The following FSTL4 variants were observed in gnomAD, a reference collection of about 807,000 sequenced individuals.
FSTL4 encodes follistatin like 4, also known as follistatin-related protein 4.
In FSTL4, 28 loss-of-function variants were observed where a neutral mutation model predicts 78.2. The ratio of observed to expected loss-of-function variants is 0.36; its 90% CI spans 0.27 to 0.49. FSTL4 has a LOEUF of 0.49. Ranked by LOEUF, FSTL4 falls within the 20% of genes least tolerant of loss-of-function variation. The pLI, the probability that FSTL4 is intolerant of heterozygous loss-of-function variation, is 0.98. For synonymous variants in FSTL4, 422 were observed against 440.5 expected, an observed-to-expected ratio of 0.96 and a Z score of 0.53; for missense variants, 922 against 1,084.9, an observed-to-expected ratio of 0.85 and a Z score of 2.11.
intron 4 of FSTL4, among the ~76,000 whole-genome samples, chr5:133,321,006 CAA>C (rs3976680): frequency 1.0e-4 from 9 of 90,432 alleles, no homozygotes; most frequent in African/African-American, 1.8e-4. Flanking sequence ...GACTCCGTCT[CAA>C]AAAAAAAAAA....
intron 2 of FSTL4, among the ~76,000 whole-genome samples, chr5:133,592,071 G>A (rs904023290): frequency 7.2e-5 from 11 of 151,962 alleles, no homozygotes; most frequent in African/African-American, 2.4e-4. Context: ...GACTCTGAGG[G>A]TTACTCCTCC....
intron 3 of FSTL4, among the ~76,000 whole-genome samples, chr5:133,563,203 G>C (rs547719088): frequency 3.9e-5 from 6 of 152,286 alleles, no homozygotes; most frequent in African/African-American, 1.4e-4. Context: ...CACCCTATCA[G>C]TCTCGTAGTC....
the FSTL4 span, among the ~76,000 whole-genome samples, chr5:133,750,548 T>A: frequency 6.6e-6 from 1 of 152,094 alleles, no homozygotes; most frequent in Non-Finnish European, 1.5e-5. Context: ...AGGGCAGACG[T>A]GCCTCTGAAT....
At chr5:133,430,136 G>T (rs1046298585) in intron 3 of FSTL4, among the ~76,000 whole-genome samples, 3 of 152,164 alleles carry the variant, frequency 2.0e-5, no homozygotes, top group African/African-American at 7.2e-5. Context: ...AAGCTGCTTG[G>T]GTGTGGAATG....
At chr5:133,610,091 TCATAA>T (rs1343754423) in intron 1 of FSTL4, among the ~76,000 whole-genome samples, 1 of 152,110 alleles carries the variant, frequency 6.6e-6, no homozygotes, top group Non-Finnish European at 1.5e-5. Flanking sequence ...AAACAAAAGA[TCATAA>T]CGTGAAGGTC....
At chr5:133,379,808 G>A (rs1755522450) in intron 4 of FSTL4, among the ~76,000 whole-genome samples, 2 of 152,198 alleles carry the variant, frequency 1.3e-5, no homozygotes. Flanking sequence ...CAGGCACAGT[G>A]GCTCATGCCT....
chr5:133,323,400 A>G (rs1425393308), intron 4 of FSTL4, among the ~76,000 whole-genome samples: 1 of 152,232 alleles, frequency 6.6e-6, no homozygotes, highest in East Asian at 1.9e-4. Flanking sequence ...CAAAGCCCCA[A>G]GGGAGGGGTA....
intron 3 of FSTL4, among the ~76,000 whole-genome samples, chr5:133,544,345 T>C (rs898535926): frequency 6.6e-6 from 1 of 152,196 alleles, no homozygotes; most frequent in African/African-American, 2.4e-5. Flanking sequence ...ATGTCTCCAT[T>C]TTAAAATTTT....
the FSTL4 span, among the ~76,000 whole-genome samples, chr5:133,648,005 C>A: frequency 0.018 from 2,778 of 152,236 alleles, 44 homozygotes; most frequent in Middle Eastern, 0.051. Context: ...AGTTTCCCTG[C>A]ACAAGCTCTC....
At chr5:133,821,699 G>C in the FSTL4 span, among the ~76,000 whole-genome samples, 2 of 152,174 alleles carry the variant, frequency 1.3e-5, no homozygotes, top group African/African-American at 2.4e-5. Context: ...GGATCCAACA[G>C]GGCCCAGAAG....
intron 2 of FSTL4, among the ~76,000 whole-genome samples, chr5:133,573,116 C>G (rs374034087): frequency 6.6e-6 from 1 of 151,852 alleles, no homozygotes; most frequent in African/African-American, 2.4e-5. Context: ...TGGTGGTGGG[C>G]ACCTGCAGTC....
chr5:133,242,545 T>C (rs1477821204), intron 7 of FSTL4, among the ~76,000 whole-genome samples: 1 of 152,020 alleles, frequency 6.6e-6, no homozygotes, highest in East Asian at 1.9e-4. Context: ...CCCTAAGGCT[T>C]TCCCCTAAGA....
the FSTL4 span, among the ~76,000 whole-genome samples, chr5:133,656,343 T>C: frequency 2.6e-5 from 4 of 152,168 alleles, no homozygotes; most frequent in Non-Finnish European, 5.9e-5. Flanking sequence ...GGAGTGTTTA[T>C]ACAACAATTC....
chr5:133,276,231 C>T (rs962863192), intron 6 of FSTL4, among the ~76,000 whole-genome samples: 6 of 152,228 alleles, frequency 3.9e-5, no homozygotes, highest in African/African-American at 1.4e-4. Context: ...GCTCACAACC[C>T]TGTCTTCAGC....
At chr5:133,630,122 A>C in the FSTL4 span, among the ~76,000 whole-genome samples, 7 of 152,380 alleles carry the variant, frequency 4.6e-5, no homozygotes, top group African/African-American at 1.7e-4. Context: ...CTTCTATTCA[A>C]CATAGTATCG....
At chr5:133,750,814 G>A in the FSTL4 span, among the ~76,000 whole-genome samples, 1 of 152,070 alleles carries the variant, frequency 6.6e-6, no homozygotes, top group East Asian at 1.9e-4. Context: ...CTCCATGGCT[G>A]CAGGGCTGGG....
chr5:133,384,649 GCCTCCTGCTGGGCC>G (rs1235871712), intron 4 of FSTL4, among the ~76,000 whole-genome samples: 2 of 152,138 alleles, frequency 1.3e-5, no homozygotes, highest in Non-Finnish European at 2.9e-5. Flanking sequence ...TGTCCTCGAT[GCCTCCTGCTGGGCC>G]CCTGCCTCCA....
chr5:133,521,659 ATTTT>A, intron 3 of FSTL4, among the ~76,000 whole-genome samples: 1 of 152,182 alleles, frequency 6.6e-6, no homozygotes, highest in East Asian at 1.9e-4. Context: ...TTCCTTTTCT[ATTTT>A]ATTGCCCATT....
intron 4 of FSTL4, among the ~76,000 whole-genome samples, chr5:133,330,612 T>G (rs1754322875): frequency 6.6e-6 from 1 of 152,186 alleles, no homozygotes; most frequent in Non-Finnish European, 1.5e-5. Flanking sequence ...ACATGAGATT[T>G]CAGGGTACAA....
Sources: allele counts gnomAD v4.1 joint callset (sites outside exome capture counted in the v4.1 genomes callset), GRCh38; gene constraint gnomAD v4.1.1; transcripts MANE v1.5; gene names NCBI Gene and HGNC (gene_info 2026-07-23, HGNC 2026-07-21).